The following TRAPPC9 variants were observed in gnomAD, a reference collection of about 807,000 sequenced individuals.
TRAPPC9 encodes the protein trafficking protein particle complex subunit 9.
TRAPPC9 carries 83 observed loss-of-function variants against 124.0 expected under a neutral mutation model. That is an observed-to-expected ratio of 0.67 (90% CI 0.56 to 0.80). TRAPPC9 has a LOEUF of 0.80. Ranked by LOEUF, TRAPPC9 falls within the 30% of genes least tolerant of loss-of-function variation. The probability of loss-of-function intolerance (pLI) is 0.00; values close to 1 mark genes in which losing one functional copy is unlikely to be tolerated. For missense variants in TRAPPC9, 1,302 were observed against 1,508.3 expected, an observed-to-expected ratio of 0.86 and a Z score of 2.27; for synonymous variants, 638 against 617.5, an observed-to-expected ratio of 1.03 and a Z score of -0.49.
chr8:140,345,153 G>GA (rs2132081459), intron 9 of TRAPPC9, among the ~76,000 whole-genome samples: 1 of 152,382 alleles, frequency 6.6e-6, no homozygotes, highest in African/African-American at 2.4e-5. Flanking sequence ...AAGCCCCAGG[G>GA]CCAGGTGAGA....
At chr8:140,436,552 T>C (rs1476668235) in intron 3 of TRAPPC9, among the ~76,000 whole-genome samples, 1 of 152,204 alleles carries the variant, frequency 6.6e-6, no homozygotes, top group African/African-American at 2.4e-5. Context: ...CAGGCCTAAG[T>C]AGCTTGTGGA....
chr8:139,792,333 G>A (rs1822750358), intron 21 of TRAPPC9, among the ~76,000 whole-genome samples: 1 of 152,224 alleles, frequency 6.6e-6, no homozygotes, highest in African/African-American at 2.4e-5. Flanking sequence ...CCAGATGGCA[G>A]CAGGCAGGAA....
Position 140,257,178 on chromosome 8 carries a change from A to G in TRAPPC9, c.2279-4249T>C, listed in dbSNP as rs1267299587. Among the ~76,000 whole-genome samples the G allele has an allele frequency of 1.3e-5, 2 of 152,208 alleles. No individual in the cohort carries two copies. Among genetic ancestry groups the G allele is most frequent in the African/African-American group, 4.8e-5 (2 of 41,454 alleles). ...CATATGCCAGCATTATCCACATCAT[A>G]TGAATGAGCAAACTAGAGTTCAGAG... On this transcript the variant is annotated intron_variant, in intron 15 of 22. Coordinates refer to ENST00000438773, the MANE Select transcript of TRAPPC9 (RefSeq NM_001160372.4). This position sits in a 1 kb window ranked among gnomAD's most constrained non-coding sequence, Gnocchi z 4.6.
chr8:139,938,881 A>C (rs922231766), intron 19 of TRAPPC9, among the ~76,000 whole-genome samples: 131 of 140,056 alleles, frequency 9.4e-4, no homozygotes, highest in African/African-American at 3.3e-3. Flanking sequence ...TCCTGACCTC[A>C]TGATCCACCC....
chr8:139,933,682 T>C (rs563335386), intron 19 of TRAPPC9: 1 of 152,404 alleles, frequency 6.6e-6, no homozygotes, highest in East Asian at 1.9e-4. Flanking sequence ...CTCAGCATTT[T>C]TGTCATCCCT....
chr8:140,325,868 C>T (rs975484642), intron 9 of TRAPPC9, among the ~76,000 whole-genome samples: 1 of 152,124 alleles, frequency 6.6e-6, no homozygotes, highest in Admixed American at 6.5e-5. Flanking sequence ...AAGAGATAAA[C>T]AGCAGCATTC....
chr8:140,174,363 A>T (rs1312079893), intron 17 of TRAPPC9, among the ~76,000 whole-genome samples: 1 of 148,954 alleles, frequency 6.7e-6, no homozygotes, highest in Non-Finnish European at 1.5e-5. Context: ...CATCCTGCAC[A>T]TGTACCCCCA....
At chr8:140,280,886 G>C (rs1467623226) in intron 14 of TRAPPC9, among the ~76,000 whole-genome samples, 1 of 152,210 alleles carries the variant, frequency 6.6e-6, no homozygotes, top group Non-Finnish European at 1.5e-5. Context: ...TCACATCAGA[G>C]GACTCACGCT....
chr8:140,300,949 T>A lies in TRAPPC9; in HGVS notation c.1623-335A>T, dbSNP rs769433250. 7.9e-4 allele frequency among the ~76,000 whole-genome samples: 120 copies of A among 152,202 alleles called. 2 individuals are homozygous for A. The highest frequency in any genetic ancestry group is 3.9e-4 in the Admixed American group (6 of 15,284). ...TACCAGCTGTGTGCCTTTGGGCACG[T>A]GCCTTGCCATCTCTAAGACGTAGGT... On this transcript the variant is annotated intron_variant, in intron 10 of 22. Coordinates refer to ENST00000438773, the MANE Select transcript of TRAPPC9 (RefSeq NM_001160372.4).
chr8:140,281,317 C>T (rs1026649441), intron 14 of TRAPPC9, among the ~76,000 whole-genome samples: 3 of 152,210 alleles, frequency 2.0e-5, no homozygotes, highest in Non-Finnish European at 2.9e-5. Context: ...GCCCTGTGAG[C>T]GGGTGTGAAC....
chr8:140,337,975 G>C (rs981357982), intron 9 of TRAPPC9, among the ~76,000 whole-genome samples: 3 of 152,202 alleles, frequency 2.0e-5, no homozygotes, highest in Non-Finnish European at 2.9e-5. Context: ...CTGACAGTCA[G>C]TCCAGGAGGA....
intron 1 of TRAPPC9, among the ~76,000 whole-genome samples, chr8:140,453,702 C>T (rs919368109): frequency 2.6e-5 from 4 of 152,322 alleles, no homozygotes; most frequent in South Asian, 2.1e-4. Context: ...CCAGTGCTCA[C>T]GCTCTCAAGG....
intron 21 of TRAPPC9, among the ~76,000 whole-genome samples, chr8:139,750,735 T>G (rs542482203): frequency 2.0e-4 from 31 of 151,974 alleles, no homozygotes; most frequent in Non-Finnish European, 3.7e-4. Flanking sequence ...CTGGGATGAG[T>G]CCCGTGGGAC....
intron 21 of TRAPPC9, among the ~76,000 whole-genome samples, chr8:139,843,783 C>T (rs11996023): frequency 0.066 from 10,042 of 152,244 alleles, 444 homozygotes; most frequent in Admixed American, 0.11. Context: ...GAATGAGCCC[C>T]GTGACACCTC....
chr8:140,133,811 T>C (rs1395654321), intron 17 of TRAPPC9, among the ~76,000 whole-genome samples: 1 of 151,548 alleles, frequency 6.6e-6, no homozygotes, highest in East Asian at 1.9e-4. Flanking sequence ...TAAAATAGTA[T>C]ATGGAATAAT....
At chr8:140,134,113 T>G (rs1036173305) in intron 17 of TRAPPC9, among the ~76,000 whole-genome samples, 2 of 151,620 alleles carry the variant, frequency 1.3e-5, no homozygotes, top group Non-Finnish European at 2.9e-5. Context: ...AAGAACAAAG[T>G]TAGAGGACTC....
chr8:140,206,696 C>T (rs1286333971), intron 17 of TRAPPC9, among the ~76,000 whole-genome samples: 2 of 151,898 alleles, frequency 1.3e-5, no homozygotes, highest in Admixed American at 6.6e-5. Flanking sequence ...TTTTATGGCC[C>T]TACTTCAACA....
At chr8:140,045,558 C>T (rs1214174326) in intron 17 of TRAPPC9, among the ~76,000 whole-genome samples, 1 of 130,346 alleles carries the variant, frequency 7.7e-6, no homozygotes, top group Non-Finnish European at 1.6e-5. Flanking sequence ...ATCTGGGAGG[C>T]GGAGGTTGTA....
chr8:140,265,808 G>T (rs2064631790), intron 15 of TRAPPC9, among the ~76,000 whole-genome samples: 1 of 152,212 alleles, frequency 6.6e-6, no homozygotes, highest in Non-Finnish European at 1.5e-5. Context: ...CATGTAAGAA[G>T]CCATTAATAT....
Sources: allele counts gnomAD v4.1 joint callset (sites outside exome capture counted in the v4.1 genomes callset), GRCh38; gene constraint gnomAD v4.1.1; non-coding constraint Gnocchi (gnomAD v3.1); transcripts MANE v1.5; gene names NCBI Gene and HGNC (gene_info 2026-07-23, HGNC 2026-07-21).